The following IFT74 variants were observed in gnomAD, a reference collection of about 807,000 sequenced individuals.
IFT74 encodes the protein intraflagellar transport protein 74 homolog.
Under a neutral mutation model 96.7 loss-of-function variants are expected in IFT74, and 92 were observed. The ratio of observed to expected loss-of-function variants is 0.95; its 90% confidence interval spans 0.80 to 1.13. IFT74 has a LOEUF of 1.13. Among genes scored for constraint, IFT74 ranks in the 50% most tolerant of loss-of-function variants. The probability of loss-of-function intolerance (pLI) is 0.00; values close to 1 mark genes in which losing one functional copy is unlikely to be tolerated. For missense variants in IFT74, 811 were observed against 698.2 expected (o/e 1.16, Z -1.82); for synonymous variants, 223 against 213.2 (o/e 1.05, Z -0.40).
intron 8 of IFT74, 86 bp from the exon 9 acceptor site, chr9:27,008,934 T>C (rs1828918565): frequency 1.9e-6 from 2 of 1,041,338 alleles, no homozygotes; most frequent in Admixed American, 5.3e-5. Context: ...AAGTATCCTA[T>C]TAAATTAGGA....
intron 8 of IFT74, among the ~76,000 whole-genome samples, chr9:26,997,267 C>A (rs1828207659): frequency 6.7e-6 from 1 of 149,948 alleles, no homozygotes; most frequent in Non-Finnish European, 1.5e-5. Flanking sequence ...AGGAGAGCAT[C>A]TATGCAGCTG....
chr9:27,024,527 T>C (rs1310086889), intron 12 of IFT74, among the ~76,000 whole-genome samples: 2 of 152,100 alleles, frequency 1.3e-5, no homozygotes, highest in African/African-American at 2.4e-5. Flanking sequence ...AGTCCTTGAG[T>C]CTCAGATCTT....
At chr9:26,998,267 A>G (rs370369349) in intron 8 of IFT74, 34 of 1,282,200 alleles carry the variant, frequency 2.7e-5, no homozygotes, top group Non-Finnish European at 3.4e-5. Flanking sequence ...AAAGAAAGGC[A>G]TTAATCAGAA....
chr9:26,961,259 T>G (rs969026443), intron 1 of IFT74, among the ~76,000 whole-genome samples: 1 of 151,562 alleles, frequency 6.6e-6, no homozygotes, highest in African/African-American at 2.4e-5. Flanking sequence ...CCCAGCTAAT[T>G]TTTTGTATTT....
intron 8 of IFT74, chr9:26,996,173 CA>C: frequency 1.7e-6 from 1 of 602,196 alleles, no homozygotes; most frequent in Non-Finnish European, 2.6e-6. Context: ...TTTGGAAGAG[CA>C]ATATTTTGTA....
intron 13 of IFT74, 39 bp downstream of exon 13, chr9:27,029,143 G>A (rs370411235): frequency 2.7e-6 from 4 of 1,490,966 alleles, no homozygotes; most frequent in Non-Finnish European, 3.7e-6. Flanking sequence ...ATTAACAGAT[G>A]TTTAGCAGTA....
intron 12 of IFT74, among the ~76,000 whole-genome samples, chr9:27,027,222 C>T (rs1256972992): frequency 1.3e-5 from 2 of 151,620 alleles, no homozygotes; most frequent in East Asian, 1.9e-4. Flanking sequence ...TTAGAGGAGA[C>T]GGATAGATTC....
rs112715049 is a variant in IFT74, at chr9:26,987,132, C to A, written c.466-1537C>A. Among the ~76,000 whole-genome samples, 1,207 of 152,190 alleles carry A rather than the reference C, an allele frequency of 7.9e-3. 19 individuals carry two copies. Among genetic ancestry groups the A allele is most frequent in the African/African-American group, 0.028 (1,151 of 41,508 alleles). ...TGGCGTGATCTTGGCTCACTGTAAC[C>A]TCCGCCTCTTGGGTTCAAGTGATTA... On this transcript the variant is annotated intron_variant, in intron 6 of 19. Coordinates refer to ENST00000380062, the MANE Select transcript of IFT74 (RefSeq NM_025103.4).
At chr9:26,964,232 ATTGC>A (rs1459665515) in intron 2 of IFT74, among the ~76,000 whole-genome samples, 2 of 144,374 alleles carry the variant, frequency 1.4e-5, no homozygotes, top group African/African-American at 2.6e-5. Context: ...TCCTTTCCCC[ATTGC>A]TTGTTTTTCT....
rs928442642 is a variant in IFT74 at position 27,029,044 on chromosome 9, A to G, written c.994A>G (p.Lys332Glu). The change falls in exon 13 of 20, where the codon AAG becomes GAG. Residue 332 changes from lysine (K) to glutamate (E), a missense_variant. Lys to Glu is a moderately conservative substitution (Grantham distance 56). Transcript: ENST00000380062. The stretch of plus-strand genomic sequence containing the variant: ...CAACAGGTTAACAGATACAAAAGAA[A>G]AGATAAATCAGTTTATTGAAGAAAT... The part of the protein sequence containing the change: ...MERQLTDTKE[K>E]INQFIEEIRQ... The G allele has an allele frequency of 2.5e-6, 4 of 1,601,048 alleles. No homozygotes were observed. The highest frequency in any genetic ancestry group is 3.4e-6 in the Non-Finnish European group (4 of 1,172,816).
At chr9:27,029,299 A>G (rs996147445) in intron 13 of IFT74, among the ~76,000 whole-genome samples, 195 bp downstream of exon 13, 1 of 152,198 alleles carries the variant, frequency 6.6e-6, no homozygotes, top group South Asian at 2.1e-4. Flanking sequence ...CTTATGAGTT[A>G]AAATGATTGC....
intron 18 of IFT74, 89 bp from the exon 19 acceptor site, chr9:27,060,502 G>C: frequency 1.4e-6 from 1 of 725,432 alleles, no homozygotes; most frequent in Middle Eastern, 2.9e-4. Flanking sequence ...TTTAAAGTTG[G>C]AGAGATTTTT....
Position 26,990,143 on chromosome 9 carries a change from C to A in IFT74, c.535C>A (p.Gln179Lys). Reference protein sequence around the residue: ...VMNDYNMLKAQNDRETQSLDV... With the variant: ...VMNDYNMLKAKNDRETQSLDV... ...TGTTAACTTTATTCAGCTTAAAGCT[C>A]AAAATGATCGAGAAACACAAAGTTT... The change falls in exon 8 of 20, where the codon CAA becomes AAA. Residue 179 changes from glutamine (Q) to lysine (K), a missense_variant. Coordinates refer to ENST00000380062, the MANE Select transcript of IFT74 (RefSeq NM_025103.4). The A allele has an allele frequency of 1.3e-6, 2 of 1,500,512 alleles. No homozygotes were observed. The highest frequency in any genetic ancestry group is 1.5e-5 in the South Asian group (1 of 68,742). 92.9% of individuals were successfully genotyped at this position (1,500,512 alleles called of 1,614,324 possible). A position where few individuals can be genotyped will look rare whatever the true frequency, so the allele number is the denominator to read the frequency against.
intron 2 of IFT74, among the ~76,000 whole-genome samples, chr9:26,963,815 T>C (rs554447732): frequency 6.6e-6 from 1 of 152,360 alleles, no homozygotes; most frequent in South Asian, 2.1e-4. Flanking sequence ...TGTTTGTTTT[T>C]TTCTTGTAAA....
chr9:27,039,450 A>G lies in IFT74; in HGVS notation c.1055-5292A>G, dbSNP rs115785722. On this transcript the variant is annotated intron_variant, in intron 13 of 19. Transcript: ENST00000380062. Reference sequence around the variant, plus strand: ...GGTGGCTCATGCCTGTAATTCCAACACTGTGGGAGGCTGAGGCAGGAGGAT... The same window carrying G: ...GGTGGCTCATGCCTGTAATTCCAACGCTGTGGGAGGCTGAGGCAGGAGGAT... Among the ~76,000 whole-genome samples, 938 of 152,268 alleles carry G rather than the reference A, an allele frequency of 6.2e-3. 13 individuals are homozygous for G. The highest frequency in any genetic ancestry group is 0.021 in the African/African-American group (885 of 41,546).
chr9:27,010,848 T>C (rs1829034206), intron 9 of IFT74, among the ~76,000 whole-genome samples: 1 of 152,238 alleles, frequency 6.6e-6, no homozygotes, highest in Admixed American at 6.5e-5. Context: ...GTTGAGGGCA[T>C]ATTGAGAATC....
At chr9:26,951,116 G>A (rs1185307021) in intron 1 of IFT74, among the ~76,000 whole-genome samples, 1 of 152,168 alleles carries the variant, frequency 6.6e-6, no homozygotes, top group Non-Finnish European at 1.5e-5. Flanking sequence ...GGAATAGTTG[G>A]GTAGCTGGAC....
rs1564012751 is a variant in IFT74, at chr9:27,062,863, TG to T, written c.*128del. On this transcript the variant is annotated 3_prime_UTR_variant, in exon 20 of 20. Transcript: ENST00000380062. The stretch of plus-strand genomic sequence containing the variant: ...TAAAATTTCTGAATGTTATAATTTT[TG>T]TGGCCTCTTTTAAGAATGATATTTT... 3.2e-6 allele frequency: 2 copies of T among 624,980 alleles called. No homozygotes were observed. Among genetic ancestry groups the T allele is most frequent in the African/African-American group, 3.9e-5 (2 of 51,080 alleles). 38.7% of individuals were successfully genotyped at this position (624,980 alleles called of 1,614,324 possible). A position where few individuals can be genotyped will look rare whatever the true frequency, so the allele number is the denominator to read the frequency against.
chr9:27,035,359 A>T (rs931591515), intron 13 of IFT74, among the ~76,000 whole-genome samples: 1 of 152,244 alleles, frequency 6.6e-6, no homozygotes, highest in African/African-American at 2.4e-5. Flanking sequence ...TGGTTTTCCA[A>T]CATATATCTG....
Sources: gnomAD v4.1 joint callset for allele counts (sites outside exome capture counted in the v4.1 genomes callset) on GRCh38, gnomAD v4.1.1 for gene constraint, MANE v1.5 for transcripts, NCBI Gene and HGNC (gene_info 2026-07-23, HGNC 2026-07-21) for gene names.